Variants in SLF2 observed in about 807,000 individuals in gnomAD.
The protein encoded by SLF2 is SMC5-SMC6 complex localization factor protein 2.
SLF2 carries 68 observed loss-of-function variants against 124.3 expected under a neutral mutation model. That is an observed-to-expected ratio of 0.55 (90% CI 0.45 to 0.67). The LOEUF is 0.67. Ranked by LOEUF, SLF2 falls within the 30% of genes least tolerant of loss-of-function variation. The probability of loss-of-function intolerance (pLI) is 0.00; values close to 1 mark genes in which losing one functional copy is unlikely to be tolerated. For synonymous variants in SLF2, 480 were observed against 478.8 expected, an observed-to-expected ratio of 1.00 and a Z score of -0.03; for missense variants, 1,246 against 1,373.7, an observed-to-expected ratio of 0.91 and a Z score of 1.47.
intron 15 of SLF2, among the ~76,000 whole-genome samples, chr10:100,949,749 C>G (rs1327362219): frequency 6.6e-6 from 1 of 152,080 alleles, no homozygotes; most frequent in African/African-American, 2.4e-5. Flanking sequence ...GCATGTGCCA[C>G]CATGCCCAGC....
Position 100,956,881 on chromosome 10 carries a change from A to G in SLF2, c.3417+344A>G, listed in dbSNP as rs1405768358. ...TTTGAGGTTGCAGTGAGCTATGAAC[A>G]CACATGGCACTCCAGCCTGGGAGAT... On this transcript the variant is annotated intron_variant, in intron 18 of 19. Coordinates refer to ENST00000238961, the MANE Select transcript of SLF2 (RefSeq NM_018121.4). Among the ~76,000 whole-genome samples, 6 of 152,150 alleles carry G rather than the reference A, an allele frequency of 3.9e-5. No homozygotes were observed. In the South Asian group the frequency reaches 1.2e-3, roughly 32 times the overall value.
rs71013477 is a variant in SLF2, at chr10:100,957,330, ATTTTTTTT to A, written c.3417+823_3417+830del. 4.1e-4 allele frequency among the ~76,000 whole-genome samples: 38 copies of A among 91,864 alleles called. 2 individuals carry two copies. The highest frequency in any genetic ancestry group is 1.6e-3 in the Admixed American group (15 of 9,216). 60.3% of individuals were successfully genotyped at this position (91,864 alleles called of 152,430 possible). ...AATATGTTAAAGGAAGGAGTCTTCA[ATTTTTTTT>A]TTTTTTTTTTTTTTTTTTTTTTTTT... On this transcript the variant is annotated intron_variant, in intron 18 of 19. Coordinates refer to ENST00000238961, the MANE Select transcript of SLF2 (RefSeq NM_018121.4).
Position 100,945,521 on chromosome 10 carries a change from A to G in SLF2, c.2934+15A>G. ...GGAACACAAAGGTAATGTTACTTAA[A>G]ACTTCATTATTCATTTTTTATATAG... is the stretch of plus-strand genomic sequence containing the variant. On this transcript the variant is annotated intron_variant, in intron 13 of 19. Transcript: ENST00000238961. 1 of 1,526,052 alleles carries G rather than the reference A, an allele frequency of 6.6e-7. No homozygotes were observed. Among genetic ancestry groups the G allele is most frequent in the Non-Finnish European group, 8.7e-7 (1 of 1,147,058 alleles). 94.5% of individuals were successfully genotyped at this position (1,526,052 alleles called of 1,614,324 possible).
At chr10:100,915,887 A>T in intron 1 of SLF2, 112 bp from the exon 2 acceptor site, 1 of 853,106 alleles carries the variant, frequency 1.2e-6, no homozygotes, top group Non-Finnish European at 1.9e-6. Flanking sequence ...GAACTTTATT[A>T]AACCAAATAG....
chr10:100,950,750 A>G lies in SLF2; in HGVS notation c.3327A>G (p.Gln1109=), dbSNP rs757501403. ...GTTCTCATTCTTTTTCTTCTGGACAACGGGTAGGTAGTGTTTAGTGTTGTT... is the reference window on the plus strand; with the variant it reads ...GTTCTCATTCTTTTTCTTCTGGACAGCGGGTAGGTAGTGTTTAGTGTTGTT... ...VSCSHSFSSG[Q]RKHFVLLCGA... The change falls in exon 17 of 20, where the codon CAA becomes CAG. Residue 1109 remains glutamine (Q), a synonymous_variant. Transcript: ENST00000238961. 8.7e-6 allele frequency: 14 copies of G among 1,613,328 alleles called. No homozygotes were observed. In the South Asian group the frequency reaches 9.9e-5, roughly 11 times the overall value.
chr10:100,916,754 T>G lies in SLF2; in HGVS notation c.369T>G (p.His123Gln). Residue 123 changes from histidine to glutamine, a missense_variant, in exon 3 of 20, where the codon CAT (histidine) becomes CAG (glutamine). Coordinates refer to ENST00000238961, the MANE Select transcript of SLF2 (RefSeq NM_018121.4). ...EAFMKGVKEHHEDHGIHESRR... is the reference protein window; with the variant it reads ...EAFMKGVKEHQEDHGIHESRR... ...TCATGAAAGGTGTTAAAGAGCACCA[T>G]GAAGATCATGGTATACATGAGTCAC... is the stretch of plus-strand genomic sequence containing the variant. The G allele has an allele frequency of 6.2e-7, 1 of 1,603,822 alleles. No homozygotes were observed. The highest frequency in any genetic ancestry group is 8.5e-7 in the Non-Finnish European group (1 of 1,176,240).
intron 11 of SLF2, among the ~76,000 whole-genome samples, chr10:100,941,216 A>G (rs1849969853): frequency 6.6e-6 from 1 of 152,130 alleles, no homozygotes; most frequent in Non-Finnish European, 1.5e-5. Flanking sequence ...CATCATGGCA[A>G]GTTCTCTATA....
chr10:100,940,210 TG>T (rs1849940297), intron 11 of SLF2, among the ~76,000 whole-genome samples: 1 of 152,178 alleles, frequency 6.6e-6, no homozygotes, highest in African/African-American at 2.4e-5. Flanking sequence ...TGTACAGTAG[TG>T]GAAATAAACT....
rs964989971 is a variant in SLF2, at chr10:100,963,184, C to A, written c.*1272C>A. The A allele has an allele frequency of 2.0e-5, 3 of 152,472 alleles. No homozygotes were observed. The highest frequency in any genetic ancestry group is 7.2e-5 in the African/African-American group (3 of 41,392). The allele number at this position is 152,472 out of a possible 1,614,324, so 9.4% of individuals were successfully genotyped here. ...GGGGGGGAAAGATGATGGAGGGGAACAGAAACTGGACTTGATGTTTGCGGT... is the reference window on the plus strand; with the variant it reads ...GGGGGGGAAAGATGATGGAGGGGAAAAGAAACTGGACTTGATGTTTGCGGT... On this transcript the variant is annotated 3_prime_UTR_variant, in exon 20 of 20. Transcript: ENST00000238961.
At position 100,932,720 on chromosome 10, in the gene SLF2, T is replaced by TGTGTGTGCGC. The variant is rs763852210; in HGVS notation, c.2436+1643_2436+1644insTGTGTGCGCG. 1.2e-3 allele frequency among the ~76,000 whole-genome samples: 44 copies of TGTGTGTGCGC among 36,260 alleles called. No homozygotes were observed. The Middle Eastern group carries it at 0.065, about 54-fold the overall frequency. 23.8% of individuals were successfully genotyped at this position (36,260 alleles called of 152,430 possible). A position where few individuals can be genotyped will look rare whatever the true frequency, so the allele number is the denominator to read the frequency against. On this transcript the variant is annotated intron_variant, in intron 9 of 19. Transcript: ENST00000238961. ...GTGTGTGTGTGTGTGTGTGTGTGTG[T>TGTGTGTGCGC]GCGCGCGCGCGCGCGCGCACATTTG... is the stretch of plus-strand genomic sequence containing the variant.
intron 5 of SLF2, 88 bp from the exon 6 acceptor site, chr10:100,925,861 A>G: frequency 8.0e-7 from 1 of 1,249,378 alleles, no homozygotes; most frequent in Non-Finnish European, 1.1e-6. Flanking sequence ...GAAATAGAAA[A>G]TAGTCTTTCG....
Position 100,913,228 on chromosome 10 carries a change from A to G in SLF2, c.118A>G (p.Arg40Gly). The G allele has an allele frequency of 6.2e-7, 1 of 1,610,086 alleles. No homozygotes were observed. The highest frequency in any genetic ancestry group is 8.5e-7 in the Non-Finnish European group (1 of 1,178,284). The change falls in exon 1 of 20, where the codon AGA becomes GGA. Residue 40 changes from arginine (R) to glycine (G), a missense_variant. Coordinates refer to ENST00000238961, the MANE Select transcript of SLF2 (RefSeq NM_018121.4). ...TACCGCCCATGCTGCAGCGGGAAAG[A>G]GAACAGAGAGTCCTGGGGACAGGTA... ...GSTAHAAAGK[R>G]TESPGDRKQS...
rs762141788 is a variant in SLF2 at position 100,924,314 on chromosome 10, A to G, written c.1313A>G (p.Lys438Arg). ...GGTACCAAGGAGACTAAGATGCAGAAACCCCACTTACCTTTATCTCAGGAA... is the reference window on the plus strand; with the variant it reads ...GGTACCAAGGAGACTAAGATGCAGAGACCCCACTTACCTTTATCTCAGGAA... ...VAGTKETKMQ[K>R]PHLPLSQEKS... The change falls in exon 5 of 20, where the codon AAA becomes AGA. Residue 438 changes from lysine to arginine, a missense_variant. Transcript: ENST00000238961. The G allele has an allele frequency of 1.4e-5, 23 of 1,614,054 alleles. No individual in the cohort carries two copies. In the South Asian group the frequency reaches 2.5e-4, roughly 18 times the overall value.
chr10:100,943,930 G>A (rs543160329), intron 11 of SLF2, 96 bp from the exon 12 acceptor site: 15 of 711,686 alleles, frequency 2.1e-5, no homozygotes, highest in African/African-American at 1.8e-4. Context: ...ATTATACCTC[G>A]ATAAAACATA....
chr10:100,951,765 C>T (rs1850217753), intron 17 of SLF2, among the ~76,000 whole-genome samples: 1 of 152,238 alleles, frequency 6.6e-6, no homozygotes, highest in East Asian at 1.9e-4. Context: ...TGCCATTCCC[C>T]TTTTGTTCCT....
Position 100,916,566 on chromosome 10 carries a change from T to G in SLF2, c.185-4T>G. 7.4e-7 allele frequency: 1 copy of G among 1,344,382 alleles called. No homozygotes were observed. Among genetic ancestry groups the G allele is most frequent in the Non-Finnish European group, 9.6e-7 (1 of 1,040,538 alleles). The allele number at this position is 1,344,382 out of a possible 1,614,324, so 83.3% of individuals were successfully genotyped here. On this transcript the variant is annotated splice_region_variant and splice_polypyrimidine_tract_variant and intron_variant, in intron 2 of 19. Transcript: ENST00000238961. ...ATTTGTATGTGTTTTAATTGGCTAT[T>G]TAGACAGACACATGTTGGATTCACC...
chr10:100,925,274 A>G lies in SLF2; in HGVS notation c.1971+302A>G, dbSNP rs905637483. ...CCACTGTAATACTGTGTACTTTCTA[A>G]AGCATATGCAAAAACAGAATTTAAA... On this transcript the variant is annotated intron_variant, in intron 5 of 19. Transcript: ENST00000238961. Among the ~76,000 whole-genome samples the G allele has an allele frequency of 4.6e-5, 7 of 152,228 alleles. 1 individual carries two copies. The highest frequency in any genetic ancestry group is 1.0e-4 in the Non-Finnish European group (7 of 68,042).
intron 6 of SLF2, chr10:100,926,786 T>A (rs1589948179): frequency 6.6e-6 from 1 of 151,900 alleles, no homozygotes; most frequent in South Asian, 2.1e-4. Context: ...GGCGGGCGCT[T>A]GTAGTCCCAG....
At chr10:100,944,345 A>G (rs962402864) in intron 12 of SLF2, among the ~76,000 whole-genome samples, 5 of 151,978 alleles carry the variant, frequency 3.3e-5, no homozygotes, top group Admixed American at 1.3e-4. Flanking sequence ...AATACAAAAA[A>G]TTAGCCAGGC....
Sources: allele counts gnomAD v4.1 joint callset (sites outside exome capture counted in the v4.1 genomes callset), GRCh38; gene constraint gnomAD v4.1.1; transcripts MANE v1.5; gene names NCBI Gene and HGNC (gene_info 2026-07-23, HGNC 2026-07-21).